TPPP: variants seen among roughly 807,000 people sequenced by gnomAD.
TPPP encodes tubulin polymerization-promoting protein.
A neutral mutation model predicts 15.5 loss-of-function variants in TPPP; 6 were observed. That is an observed-to-expected ratio of 0.39 (90% CI 0.21 to 0.77). The LOEUF is 0.77. Ranked by LOEUF, TPPP falls within the 30% of genes least tolerant of loss-of-function variation. The probability of loss-of-function intolerance (pLI) is 0.42; values close to 1 mark genes in which losing one functional copy is unlikely to be tolerated. For synonymous variants in TPPP, 146 were observed against 133.9 expected, an observed-to-expected ratio of 1.09 and a Z score of -0.63; for missense variants, 269 against 307.2, an observed-to-expected ratio of 0.88 and a Z score of 0.93.
At chr5:693,670 C>T (rs1214798960), upstream of TPPP, among the ~76,000 whole-genome samples, 4 of 151,670 alleles carry the variant, frequency 2.6e-5, no homozygotes, top group Non-Finnish European at 4.4e-5. Context: ...CTCTGGGGCC[C>T]CCCGGGGACG....
intron 2 of TPPP, among the ~76,000 whole-genome samples, chr5:670,461 A>C (rs1017227801): frequency 1.3e-5 from 2 of 151,924 alleles, no homozygotes; most frequent in Non-Finnish European, 1.5e-5. Context: ...TCTGAGAGAG[A>C]GGGGCTGCGG....
chr5:675,482 A>AGGGGTGCAGTGTGGCTG (rs1554022382), intron 2 of TPPP, among the ~76,000 whole-genome samples: 6 of 91,138 alleles, frequency 6.6e-5, no homozygotes, highest in Admixed American at 1.3e-4. Flanking sequence ...CAGTGTGGCC[A>AGGGGTGCAGTGTGGCTG]GGGGTACATT....
chr5:671,836 C>T (rs148368298), intron 2 of TPPP, among the ~76,000 whole-genome samples: 1,852 of 152,346 alleles, frequency 0.012, 46 homozygotes, highest in African/African-American at 0.043. Context: ...GACAGGGTGG[C>T]ACCCACAGCA....
At chr5:667,599 A>G (rs1375418046) in intron 2 of TPPP, among the ~76,000 whole-genome samples, 2 of 152,220 alleles carry the variant, frequency 1.3e-5, no homozygotes, top group African/African-American at 4.8e-5. Context: ...TGCTCTCAGA[A>G]GACACCGTTA....
chr5:692,633 G>A, intron 1 of TPPP: 1 of 983,702 alleles, frequency 1.0e-6, no homozygotes, highest in Non-Finnish European at 1.2e-6. Flanking sequence ...GCTGCTCCCA[G>A]GGGTGCGGGA....
chr5:669,702 A>G (rs551552428), intron 2 of TPPP, among the ~76,000 whole-genome samples: 6 of 152,094 alleles, frequency 3.9e-5, no homozygotes, highest in Admixed American at 3.9e-4. Flanking sequence ...GGCGACATTC[A>G]GATCCGGACA....
chr5:678,730 CAGT>C (rs1167087797), intron 1 of TPPP, among the ~76,000 whole-genome samples: 5 of 152,072 alleles, frequency 3.3e-5, no homozygotes, highest in Admixed American at 6.5e-5. Flanking sequence ...AGGGCTGAGG[CAGT>C]GGTGGGGGCA....
At chr5:693,414 C>A (rs1292635465), upstream of TPPP, 1 of 139,652 alleles carries the variant, frequency 7.2e-6, no homozygotes, top group African/African-American at 2.7e-5. Context: ...CCAGCCCGGT[C>A]CCGGGCCCGC....
At chr5:672,734 C>T (rs113289453) in intron 2 of TPPP, among the ~76,000 whole-genome samples, 21 of 152,346 alleles carry the variant, frequency 1.4e-4, no homozygotes, top group African/African-American at 3.4e-4. Flanking sequence ...TCCCACCGCC[C>T]GTGGTCCGGT....
intron 1 of TPPP, among the ~76,000 whole-genome samples, chr5:679,778 G>C (rs1740571132): frequency 6.6e-6 from 1 of 151,648 alleles, no homozygotes; most frequent in Non-Finnish European, 1.5e-5. Context: ...AGAGTCATCT[G>C]AGAACCTGCA....
chr5:693,088 C>T (rs1323667414), intron 1 of TPPP, among the ~76,000 whole-genome samples, 190 bp downstream of exon 1: 1 of 138,476 alleles, frequency 7.2e-6, no homozygotes, highest in Non-Finnish European at 1.6e-5. Context: ...GCACCGAGCC[C>T]GCAGCGCCGA....
upstream of TPPP, chr5:693,455 G>C (rs1400176590): frequency 5.0e-5 from 7 of 141,288 alleles, no homozygotes; most frequent in African/African-American, 1.8e-4. Context: ...CGCCCGCCCA[G>C]CGTCCCGCCC....
At chr5:674,688 C>T (rs1740342376) in intron 2 of TPPP, among the ~76,000 whole-genome samples, 1 of 152,044 alleles carries the variant, frequency 6.6e-6, no homozygotes, top group African/African-American at 2.4e-5. Flanking sequence ...CTACACAGGC[C>T]CACACCGCAT....
At chr5:667,881 C>CT (rs1198834428) in intron 2 of TPPP, among the ~76,000 whole-genome samples, 5 of 92,874 alleles carry the variant, frequency 5.4e-5, no homozygotes, top group Admixed American at 9.7e-5. Flanking sequence ...GACAAGCACA[C>CT]AGAGAGGGGG....
chr5:692,220 T>C (rs548396512), intron 1 of TPPP, among the ~76,000 whole-genome samples: 30 of 28,654 alleles, frequency 1.0e-3, no homozygotes, highest in African/African-American at 3.0e-3. Flanking sequence ...CCCAACCCCC[T>C]ATCAAAACAG....
intron 2 of TPPP, among the ~76,000 whole-genome samples, chr5:672,085 TG>T (rs1740242379): frequency 6.6e-6 from 1 of 152,214 alleles, no homozygotes; most frequent in South Asian, 2.1e-4. Flanking sequence ...TCTCCAAACC[TG>T]GGTCCTGCTC....
chr5:700,000 G>A, the TPPP span, among the ~76,000 whole-genome samples: 2 of 152,118 alleles, frequency 1.3e-5, no homozygotes. Flanking sequence ...TGGGGGGAAT[G>A]TAAATCAGTG....
At chr5:676,924 ACG>A (rs1371925287) in intron 2 of TPPP, among the ~76,000 whole-genome samples, 1 of 145,540 alleles carries the variant, frequency 6.9e-6, no homozygotes, top group Non-Finnish European at 1.5e-5. Context: ...CGACGCAGAA[ACG>A]CACGCGCGCA....
chr5:672,015 C>T (rs1180853425), intron 2 of TPPP, among the ~76,000 whole-genome samples: 1 of 152,240 alleles, frequency 6.6e-6, no homozygotes, highest in Admixed American at 6.5e-5. Flanking sequence ...ACACACAGTG[C>T]TCTGAGGACC....
Sources: gnomAD v4.1 joint callset for allele counts (sites outside exome capture counted in the v4.1 genomes callset) on GRCh38, gnomAD v4.1.1 for gene constraint, MANE v1.5 for transcripts, NCBI Gene and HGNC (gene_info 2026-07-23, HGNC 2026-07-21) for gene names.